The following UBXN7 variants were observed in gnomAD, a reference collection of about 807,000 sequenced individuals.
UBXN7 encodes UBX domain-containing protein 7.
In UBXN7, 9 loss-of-function variants were observed where a neutral mutation model predicts 58.0. That is an observed-to-expected ratio of 0.16 (90% confidence interval 0.09 to 0.27). UBXN7 has a LOEUF of 0.27. Among genes scored for constraint, UBXN7 ranks in the 10% least tolerant of loss-of-function variants. The pLI is 1.00. For missense variants in UBXN7, 328 were observed against 599.6 expected, an observed-to-expected ratio of 0.55 and a Z score of 4.73; for synonymous variants, 208 against 205.0, an observed-to-expected ratio of 1.01 and a Z score of -0.12.
chr3:196,421,695 T>C (rs987621812), intron 1 of UBXN7, among the ~76,000 whole-genome samples: 3 of 151,208 alleles, frequency 2.0e-5, no homozygotes, highest in Non-Finnish European at 4.4e-5. Flanking sequence ...GAGAACAGCT[T>C]GAAACTGGGA....
rs145395839 is a variant in UBXN7, at chr3:196,401,823, G to GAGA, written c.289+1126_289+1128dup. On this transcript the variant is annotated intron_variant, in intron 3 of 10. Transcript: ENST00000296328. ...AGGAAAGAAAGAAAAGAAAAGAGAA[G>GAGA]AGAGAAGAGAAGAGAAGAGAAGAGA... Among the ~76,000 whole-genome samples, 676 of 120,334 alleles carry GAGA rather than the reference G, an allele frequency of 5.6e-3. 8 individuals carry two copies. Among genetic ancestry groups the GAGA allele is most frequent in the African/African-American group, 0.02 (641 of 32,128 alleles). 78.9% of individuals were successfully genotyped at this position (120,334 alleles called of 152,430 possible).
intron 5 of UBXN7, among the ~76,000 whole-genome samples, chr3:196,389,802 A>C (rs888355082): frequency 6.6e-6 from 1 of 152,188 alleles, no homozygotes; most frequent in Non-Finnish European, 1.5e-5. Context: ...ACTAACACAC[A>C]AGCTTACATT....
At chr3:196,377,890 T>A (rs1343994030) in intron 5 of UBXN7, among the ~76,000 whole-genome samples, 1 of 152,128 alleles carries the variant, frequency 6.6e-6, no homozygotes, top group Admixed American at 6.5e-5. Context: ...CAGGCTGGTC[T>A]CGAACTCCTG....
At chr3:196,385,724 G>A (rs11877887) in intron 5 of UBXN7, among the ~76,000 whole-genome samples, 55 of 150,070 alleles carry the variant, frequency 3.7e-4, no homozygotes, top group African/African-American at 1.1e-3. Context: ...GAGCCCCTAC[G>A]CCCGGCAGCC....
intron 1 of UBXN7, among the ~76,000 whole-genome samples, chr3:196,419,692 G>A (rs1349511854): frequency 2.0e-5 from 3 of 152,136 alleles, no homozygotes; most frequent in African/African-American, 4.8e-5. Flanking sequence ...TTCATGCCTG[G>A]GGAGTCGGGG....
intron 5 of UBXN7, among the ~76,000 whole-genome samples, chr3:196,376,441 G>C (rs1054927640): frequency 8.6e-5 from 13 of 150,600 alleles, no homozygotes; most frequent in Admixed American, 5.3e-4. Context: ...AGCTACTCGG[G>C]AGGGTGAGAC....
At chr3:196,399,131 C>A (rs1449265052) in intron 3 of UBXN7, among the ~76,000 whole-genome samples, 2 of 152,200 alleles carry the variant, frequency 1.3e-5, no homozygotes, top group African/African-American at 4.8e-5. Flanking sequence ...AACAATCACA[C>A]AAGTGCTTTT....
chr3:196,428,657 C>A (rs1730923308), intron 1 of UBXN7, among the ~76,000 whole-genome samples: 1 of 151,632 alleles, frequency 6.6e-6, no homozygotes, highest in Non-Finnish European at 1.5e-5. Context: ...CTTTGGGAGG[C>A]CAAGGTGGGT....
intron 6 of UBXN7, among the ~76,000 whole-genome samples, chr3:196,370,857 CAAAAAAAA>C (rs11347018): frequency 9.3e-5 from 8 of 86,338 alleles, no homozygotes; most frequent in African/African-American, 1.4e-4. Flanking sequence ...CCCATCTCTA[CAAAAAAAA>C]AAAAAAAAAA....
rs1305536972 is a variant in UBXN7 at position 196,349,709 on chromosome 3, G to T, written c.*6976C>A. On this transcript the variant is annotated 3_prime_UTR_variant, in exon 11 of 11. Transcript: ENST00000296328. ...CCTTATCAGTTAAGAGTTCCATACT[G>T]AGTCTATGAAAAAAGCAAATTAAAA... 1 of 152,118 alleles carries T rather than the reference G, an allele frequency of 6.6e-6. No individual in the cohort carries two copies. The highest frequency in any genetic ancestry group is 1.5e-5 in the Non-Finnish European group (1 of 68,006). 9.4% of individuals were successfully genotyped at this position (152,118 alleles called of 1,614,324 possible).
At chr3:196,405,633 T>G (rs1342272116) in intron 2 of UBXN7, among the ~76,000 whole-genome samples, 1 of 152,136 alleles carries the variant, frequency 6.6e-6, no homozygotes, top group Non-Finnish European at 1.5e-5. Flanking sequence ...ATAAACAAAC[T>G]TTAATCTGAT....
At chr3:196,418,416 A>C (rs900132553) in intron 1 of UBXN7, among the ~76,000 whole-genome samples, 3 of 152,228 alleles carry the variant, frequency 2.0e-5, no homozygotes, top group Non-Finnish European at 4.4e-5. Context: ...GACAGTAAAC[A>C]GGCAGAGAAA....
At chr3:196,360,290 GGAA>G (rs1213412752) in intron 10 of UBXN7, among the ~76,000 whole-genome samples, 1 of 152,206 alleles carries the variant, frequency 6.6e-6, no homozygotes, top group Non-Finnish European at 1.5e-5. Flanking sequence ...GCCTTCTATT[GGAA>G]GAAGATGCCA....
intron 1 of UBXN7, among the ~76,000 whole-genome samples, chr3:196,413,599 C>T (rs1041475232): frequency 1.3e-5 from 2 of 152,102 alleles, no homozygotes; most frequent in African/African-American, 2.4e-5. Context: ...CATCAGTTAA[C>T]CAAAGAGAGC....
chr3:196,413,759 T>C lies in UBXN7; in HGVS notation c.74-6366A>G, dbSNP rs193230453. Among the ~76,000 whole-genome samples the C allele has an allele frequency of 4.6e-5, 7 of 152,284 alleles. No individual in the cohort carries two copies. In the East Asian group the frequency reaches 1.4e-3, roughly 29 times the overall value. On this transcript the variant is annotated intron_variant, in intron 1 of 10. Transcript: ENST00000296328. ...GATATAGTCATCCCTCCAGTATCCA[T>C]GGGGCACTGGTTCCATGACTGTCCA...
chr3:196,374,014 A>T (rs1412949141), intron 5 of UBXN7, among the ~76,000 whole-genome samples: 1 of 152,232 alleles, frequency 6.6e-6, no homozygotes, highest in East Asian at 1.9e-4. Context: ...TGCTTATAGG[A>T]AGTAATATTT....
chr3:196,397,674 A>G (rs1349806375), intron 3 of UBXN7: 1 of 152,224 alleles, frequency 6.6e-6, no homozygotes, highest in Non-Finnish European at 1.5e-5. Context: ...GCAGACACCC[A>G]ATCAGCATAG....
At chr3:196,360,326 A>G (rs1254311293) in intron 10 of UBXN7, among the ~76,000 whole-genome samples, 1 of 152,234 alleles carries the variant, frequency 6.6e-6, no homozygotes, top group Non-Finnish European at 1.5e-5. Flanking sequence ...ACAGCTAGAG[A>G]GAAGTCAGTG....
In UBXN7 at chr3:196,372,104, T is replaced by C. The variant is rs977356839; in HGVS notation, c.469-62A>G. 1.4e-5 allele frequency: 22 copies of C among 1,520,786 alleles called. No individual in the cohort carries two copies. The African/African-American group carries it at 1.7e-4, about 12-fold the overall frequency. The allele number at this position is 1,520,786 out of a possible 1,614,324, so 94.2% of individuals were successfully genotyped here. ...TTCTACTTAGTGACAGATGTTTCCGTAGTTGTTCAGAGGTTGTTGTCTTTC... is the reference window on the plus strand; with the variant it reads ...TTCTACTTAGTGACAGATGTTTCCGCAGTTGTTCAGAGGTTGTTGTCTTTC... On this transcript the variant is annotated intron_variant, in intron 5 of 10. Coordinates refer to ENST00000296328, the MANE Select transcript of UBXN7 (RefSeq NM_015562.2).
Sources: gnomAD v4.1 joint callset for allele counts (sites outside exome capture counted in the v4.1 genomes callset) on GRCh38, gnomAD v4.1.1 for gene constraint, MANE v1.5 for transcripts, NCBI Gene and HGNC (gene_info 2026-07-23, HGNC 2026-07-21) for gene names.